HTT: variants seen among roughly 807,000 people sequenced by gnomAD.
HTT encodes huntingtin.
Under a neutral mutation model 362.3 loss-of-function variants are expected in HTT, and 104 were observed. The observed-to-expected ratio is 0.29, with a 90% confidence interval of 0.24 to 0.34. The LOEUF (loss-of-function observed/expected upper bound fraction) is 0.34, where lower values mean the gene tolerates loss of function less well. Ranked by LOEUF, HTT falls within the 10% of genes least tolerant of loss-of-function variation. HTT has a pLI of 1.00. For synonymous variants in HTT, 1,577 were observed against 1,548.7 expected (o/e 1.02, Z -0.43); for missense variants, 3,301 against 3,928.6 (o/e 0.84, Z 4.27).
intron 40 of HTT, among the ~76,000 whole-genome samples, chr4:3,192,929 C>G (rs1050837878): frequency 1.3e-5 from 2 of 152,242 alleles, no homozygotes; most frequent in Non-Finnish European, 2.9e-5. Flanking sequence ...CTTGCCTGCA[C>G]GGAACTTCCA....
At position 3,223,867 on chromosome 4, in the gene HTT, G is replaced by T. The variant is rs573594491; in HGVS notation, c.7626-125G>T. ...GGCTCACGGACAGGTGCTCACTTAG[G>T]AAGTGAGTTTCATTTGGTATTACAC... On this transcript the variant is annotated intron_variant, in intron 55 of 66. Coordinates refer to ENST00000355072, the MANE Select transcript of HTT (RefSeq NM_001388492.1). The T allele has an allele frequency of 5.2e-6, 5 of 954,104 alleles. No individual in the cohort carries two copies. In the Admixed American group the frequency reaches 6.1e-5, roughly 12 times the overall value. 59.1% of individuals were successfully genotyped at this position (954,104 alleles called of 1,614,324 possible).
intron 40 of HTT, 60 bp downstream of exon 40, chr4:3,189,153 C>T: frequency 6.5e-7 from 1 of 1,546,574 alleles, no homozygotes; most frequent in Non-Finnish European, 8.9e-7. Flanking sequence ...ACTATACACT[C>T]TCAGAGTGTA....
At chr4:3,196,845 G>A (rs1719279909) in intron 40 of HTT, among the ~76,000 whole-genome samples, 1 of 151,914 alleles carries the variant, frequency 6.6e-6, no homozygotes, top group South Asian at 2.1e-4. Flanking sequence ...GCCACACTAA[G>A]CCAGCCTTAA....
chr4:3,238,685 G>A (rs144226926), intron 65 of HTT, 76 bp downstream of exon 65: 11 of 1,492,340 alleles, frequency 7.4e-6, no homozygotes, highest in Middle Eastern at 1.8e-4. Context: ...CAGCAGATTC[G>A]CCAGCAGAGC....
chr4:3,175,802 C>A (rs560913416), intron 33 of HTT, among the ~76,000 whole-genome samples: 1 of 152,096 alleles, frequency 6.6e-6, no homozygotes, highest in East Asian at 1.9e-4. Context: ...ATTTTTGAGC[C>A]GTGATCTTGG....
In HTT at chr4:3,188,997, A is replaced by C; in HGVS notation, c.5272A>C (p.Lys1758Gln). 6.2e-7 allele frequency: 1 copy of C among 1,614,182 alleles called. No homozygotes were observed. The highest frequency in any genetic ancestry group is 1.3e-5 in the African/African-American group (1 of 75,060). The change falls in exon 40 of 67, where the codon AAA becomes CAA. Residue 1758 changes from lysine to glutamine, a missense_variant. By Grantham distance (53) the Lys-to-Gln change is moderately conservative. Around this residue, in one of 4 missense-constraint regions of HTT, gnomAD observed 2,316 missense variants for 2,658.5 expected, o/e 0.87. Coordinates refer to ENST00000355072, the MANE Select transcript of HTT (RefSeq NM_001388492.1). Reference protein sequence around the residue: ...VGILLEDIVTKQLKVEMSEQQ... With the variant: ...VGILLEDIVTQQLKVEMSEQQ... ...TATTCTTTTAGAAGACATTGTTACAAAACAGCTGAAGGTGGAAATGAGTGA... is the reference window on the plus strand; with the variant it reads ...TATTCTTTTAGAAGACATTGTTACACAACAGCTGAAGGTGGAAATGAGTGA...
In HTT at chr4:3,122,949, G is replaced by A. The variant is rs200483753; in HGVS notation, c.1321+13G>A. ...AGAAAACAAAAAGGTGATTATTTCAGAAATCAGAGTCTTGTGTTGAATCTT... is the reference window on the plus strand; with the variant it reads ...AGAAAACAAAAAGGTGATTATTTCAAAAATCAGAGTCTTGTGTTGAATCTT... On this transcript the variant is annotated intron_variant, in intron 10 of 66. Transcript: ENST00000355072. The A allele has an allele frequency of 7.7e-4, 1,230 of 1,604,308 alleles. 8 individuals carry two copies. The highest frequency in any genetic ancestry group is 1.9e-4 in the Admixed American group (11 of 59,166).
In HTT at chr4:3,228,983, A is replaced by T; in HGVS notation, c.8083A>T (p.Ile2695Phe). The T allele has an allele frequency of 6.2e-7, 1 of 1,613,690 alleles. No homozygotes were observed. Among genetic ancestry groups the T allele is most frequent in the Non-Finnish European group, 8.5e-7 (1 of 1,179,718 alleles). Reference sequence around the variant, plus strand: ...CAGCTCAGCCAGGAGGACCCCGGCCATCCTGATCAGTGAGGTGGTCAGATC... The same window carrying T: ...CAGCTCAGCCAGGAGGACCCCGGCCTTCCTGATCAGTGAGGTGGTCAGATC... ...PSSSARRTPA[I>F]LISEVVRSLL... The change falls in exon 59 of 67, where the codon ATC (isoleucine) becomes TTC (phenylalanine). Residue 2695 changes from isoleucine to phenylalanine, a missense_variant. Ile to Phe is a conservative substitution (Grantham distance 21). Coordinates refer to ENST00000355072, the MANE Select transcript of HTT (RefSeq NM_001388492.1). This position sits in a 1 kb window ranked among gnomAD's most constrained non-coding sequence, Gnocchi z 4.3.
At chr4:3,083,530 T>TATATACACAC (rs1165543364) in intron 1 of HTT, among the ~76,000 whole-genome samples, 35 of 125,124 alleles carry the variant, frequency 2.8e-4, no homozygotes, top group Non-Finnish European at 4.7e-4. Context: ...TCTCTAAATA[T>TATATACACAC]ACACACACAC....
intron 53 of HTT, among the ~76,000 whole-genome samples, chr4:3,221,946 T>A (rs1246377223): frequency 6.6e-6 from 1 of 152,254 alleles, no homozygotes; most frequent in African/African-American, 2.4e-5. Context: ...GACAGCTTGG[T>A]GGCCATTAGT....
At position 3,121,451 on chromosome 4, in the gene HTT, C is replaced by G; in HGVS notation, c.1273+19C>G. 3 of 1,557,122 alleles carry G rather than the reference C, an allele frequency of 1.9e-6. No individual in the cohort carries two copies. Among genetic ancestry groups the G allele is most frequent in the Non-Finnish European group, 2.7e-6 (3 of 1,129,042 alleles). ...CTTATAGGCAAGTTATTAGCAAGGT[C>G]TACTCTTACAATTAACTTTGCAGTA... On this transcript the variant is annotated intron_variant, in intron 9 of 66. Transcript: ENST00000355072.
intron 49 of HTT, 132 bp from the exon 50 acceptor site, chr4:3,213,826 C>T: frequency 1.4e-6 from 1 of 691,950 alleles, no homozygotes; most frequent in Non-Finnish European, 2.3e-6. Flanking sequence ...CAGAGCTGTC[C>T]TTCTGGAAGG....
At chr4:3,201,428 G>T (rs1719523757) in intron 41 of HTT, among the ~76,000 whole-genome samples, 2 of 151,580 alleles carry the variant, frequency 1.3e-5, no homozygotes, top group Middle Eastern at 6.8e-3. Flanking sequence ...TACTCAGAAG[G>T]CTGAGGCGGG....
intron 40 of HTT, among the ~76,000 whole-genome samples, chr4:3,189,852 C>T (rs892767417): frequency 6.6e-6 from 1 of 152,068 alleles, no homozygotes; most frequent in Admixed American, 6.6e-5. Context: ...TGGTAGGACC[C>T]CATCTGTACA....
Position 3,074,720 on chromosome 4 carries a change from C to A in HTT, c.-106C>A. Reference sequence around the variant, plus strand: ...TCCAAGATGGACGGCCGCTCAGGTTCTGCTTTTACCTGCGGCCCAGAGCCC... The same window carrying A: ...TCCAAGATGGACGGCCGCTCAGGTTATGCTTTTACCTGCGGCCCAGAGCCC... On this transcript the variant is annotated 5_prime_UTR_variant, in exon 1 of 67. The change creates a new upstream start codon in the 5' untranslated region. Coordinates refer to ENST00000355072, the MANE Select transcript of HTT (RefSeq NM_001388492.1). 2 of 1,231,028 alleles carry A rather than the reference C, an allele frequency of 1.6e-6. No homozygotes were observed. The highest frequency in any genetic ancestry group is 2.2e-6 in the Non-Finnish European group (2 of 918,716). The allele number at this position is 1,231,028 out of a possible 1,614,324, so 76.3% of individuals were successfully genotyped here. A position where few individuals can be genotyped will look rare whatever the true frequency, so the allele number is the denominator to read the frequency against.
chr4:3,235,841 G>T, intron 63 of HTT, 63 bp downstream of exon 63: 1 of 1,299,870 alleles, frequency 7.7e-7, no homozygotes, highest in South Asian at 1.2e-5. Flanking sequence ...GCAGGAGCAT[G>T]CTCACTCAAG....
At chr4:3,108,518 T>C (rs569478658) in intron 6 of HTT, among the ~76,000 whole-genome samples, 1 of 152,362 alleles carries the variant, frequency 6.6e-6, no homozygotes, top group African/African-American at 2.4e-5. Context: ...ATCTGTACAC[T>C]GGGGTCTGTT....
intron 48 of HTT, 91 bp downstream of exon 48, chr4:3,212,233 G>A: frequency 1.0e-6 from 1 of 988,856 alleles, no homozygotes; most frequent in Middle Eastern, 3.2e-4. Context: ...TAAAGGCAGT[G>A]GATCTAATAC....
At chr4:3,084,653 G>A (rs1713103616) in intron 1 of HTT, among the ~76,000 whole-genome samples, 1 of 150,386 alleles carries the variant, frequency 6.6e-6, no homozygotes, top group Non-Finnish European at 1.5e-5. Context: ...GTGCGCCATT[G>A]CACTTCAGCC....
Sources: allele counts gnomAD v4.1 joint callset (sites outside exome capture counted in the v4.1 genomes callset), GRCh38; gene constraint gnomAD v4.1.1; regional missense constraint gnomAD v4.1.1; non-coding constraint Gnocchi (gnomAD v3.1); transcripts MANE v1.5; gene names NCBI Gene and HGNC (gene_info 2026-07-23, HGNC 2026-07-21).